TMOD1: variants seen among roughly 807,000 people sequenced by gnomAD.
The protein encoded by TMOD1 is tropomodulin 1.
Under a neutral mutation model 40.6 loss-of-function variants are expected in TMOD1, and 17 were observed. The observed-to-expected ratio is 0.42, with a 90% CI of 0.29 to 0.63. TMOD1 has a LOEUF of 0.63. TMOD1 is among the 20% of genes least tolerant of loss of function. The pLI is 0.22. For synonymous variants in TMOD1, 181 were observed against 175.0 expected, an observed-to-expected ratio of 1.03 and a Z score of -0.27; for missense variants, 391 against 447.6, an observed-to-expected ratio of 0.87 and a Z score of 1.14.
At chr9:97,565,775 G>A in intron 6 of TMOD1, 73 bp from the exon 7 acceptor site, 1 of 1,238,980 alleles carries the variant, frequency 8.1e-7, no homozygotes, top group Non-Finnish European at 1.2e-6. Flanking sequence ...AGAGTAGCCA[G>A]GCTAATCCAC....
chr9:97,591,519 G>T (rs2805792), intron 9 of TMOD1, 84 bp downstream of exon 9: 263,723 of 1,494,136 alleles, frequency 0.18, 25,574 homozygotes, highest in African/African-American at 0.37. Context: ...AAATTCTGTA[G>T]ATGCCTCTCC....
chr9:97,600,534 A>C lies in TMOD1; in HGVS notation c.*836A>C. 1 of 985,918 alleles carries C rather than the reference A, an allele frequency of 1.0e-6. No homozygotes were observed. Among genetic ancestry groups the C allele is most frequent in the Non-Finnish European group, 1.2e-6 (1 of 830,310 alleles). 61.1% of individuals were successfully genotyped at this position (985,918 alleles called of 1,614,324 possible). ...TTTTGAAAACACCTTTCTATATTGC[A>C]CAGTGGGCAAATGGCTTATGTGAGG... is the stretch of plus-strand genomic sequence containing the variant. On this transcript the variant is annotated 3_prime_UTR_variant, in exon 10 of 10. Coordinates refer to ENST00000259365, the MANE Select transcript of TMOD1 (RefSeq NM_003275.4).
chr9:97,539,109 C>G (rs911248622), intron 2 of TMOD1, among the ~76,000 whole-genome samples: 1 of 152,322 alleles, frequency 6.6e-6, no homozygotes, highest in South Asian at 2.1e-4. Flanking sequence ...CCTCTCATCT[C>G]CCTGGTTACT....
Position 97,565,887 on chromosome 9 carries a change from C to T in TMOD1, c.658C>T (p.Leu220=), listed in dbSNP as rs373764116. 3 of 1,614,170 alleles carry T rather than the reference C, an allele frequency of 1.9e-6. No individual in the cohort carries two copies. The highest frequency in any genetic ancestry group is 1.7e-5 in the Admixed American group (1 of 60,020). ...IPTLKAYAEA[L]KENSYVKKFS... ...CACCCTCAAGGCATATGCAGAAGCC[C>T]TGAAAGAAAACTCATATGTGAAGAA... The change falls in exon 7 of 10, where the codon CTG becomes TTG. Residue 220 remains leucine, a synonymous_variant. Coordinates refer to ENST00000259365, the MANE Select transcript of TMOD1 (RefSeq NM_003275.4).
Position 97,570,187 on chromosome 9 carries a change from G to A in TMOD1, c.870+1150G>A, listed in dbSNP as rs369624517. Among the ~76,000 whole-genome samples the A allele has an allele frequency of 9.9e-5, 15 of 152,226 alleles. No homozygotes were observed. In the East Asian group the frequency reaches 1.5e-3, roughly 16 times the overall value. On this transcript the variant is annotated intron_variant, in intron 8 of 9. Transcript: ENST00000259365. ...GTAACCCCTGTCCAGGTCAAGAAAC[G>A]AAAACATTACCAACCTCCAGAAGAC... is the stretch of plus-strand genomic sequence containing the variant.
At chr9:97,504,966 A>G (rs753092851) in intron 1 of TMOD1, among the ~76,000 whole-genome samples, 5 of 152,192 alleles carry the variant, frequency 3.3e-5, no homozygotes, top group Non-Finnish European at 5.9e-5. Flanking sequence ...GCCTGTTTCT[A>G]TGGAAAAGCA....
At chr9:97,504,908 A>C (rs1829569200) in intron 1 of TMOD1, among the ~76,000 whole-genome samples, 1 of 152,210 alleles carries the variant, frequency 6.6e-6, no homozygotes, top group South Asian at 2.1e-4. Context: ...AACACCAGAT[A>C]AATCAATTAT....
chr9:97,556,886 G>A (rs1272162976), intron 4 of TMOD1, among the ~76,000 whole-genome samples: 2 of 152,184 alleles, frequency 1.3e-5, no homozygotes, highest in Non-Finnish European at 2.9e-5. Flanking sequence ...AGCGGTTCCG[G>A]GCTGGGGAGG....
chr9:97,538,880 C>T (rs1830232147), intron 2 of TMOD1, among the ~76,000 whole-genome samples: 1 of 151,964 alleles, frequency 6.6e-6, no homozygotes. Context: ...TGGCATGCAC[C>T]TGTAATCCCA....
chr9:97,588,631 T>C (rs1238111638), intron 8 of TMOD1, among the ~76,000 whole-genome samples: 2 of 152,168 alleles, frequency 1.3e-5, no homozygotes, highest in Non-Finnish European at 2.9e-5. Flanking sequence ...ATTGATTCTT[T>C]TAATCAATTT....
chr9:97,520,914 T>G (rs1829905203), intron 1 of TMOD1, among the ~76,000 whole-genome samples: 1 of 152,196 alleles, frequency 6.6e-6, no homozygotes, highest in African/African-American at 2.4e-5. Flanking sequence ...TGATAAAGGA[T>G]TTCTTTCTCC....
At chr9:97,547,134 C>T (rs538919488) in intron 3 of TMOD1, among the ~76,000 whole-genome samples, 4 of 152,226 alleles carry the variant, frequency 2.6e-5, no homozygotes, top group East Asian at 1.9e-4. Flanking sequence ...GGCAAGCCAT[C>T]TTGAAGGCCC....
intron 1 of TMOD1, among the ~76,000 whole-genome samples, chr9:97,519,246 C>T (rs1426102529): frequency 6.6e-6 from 1 of 152,190 alleles, no homozygotes; most frequent in East Asian, 1.9e-4. Context: ...TGATGGATGG[C>T]CTCAGCCTTT....
intron 3 of TMOD1, among the ~76,000 whole-genome samples, chr9:97,550,460 A>T (rs188602057): frequency 6.6e-6 from 1 of 152,208 alleles, no homozygotes; most frequent in African/African-American, 2.4e-5. Flanking sequence ...CTTCTTTTCC[A>T]TAGCAACCAT....
chr9:97,556,641 T>C (rs1266431726), intron 4 of TMOD1, among the ~76,000 whole-genome samples: 5 of 152,128 alleles, frequency 3.3e-5, no homozygotes, highest in Non-Finnish European at 1.5e-5. Context: ...GGCAAAAGAA[T>C]GGTAAGAAAA....
intron 8 of TMOD1, among the ~76,000 whole-genome samples, chr9:97,569,535 G>A (rs1322650751): frequency 1.3e-5 from 2 of 152,154 alleles, no homozygotes; most frequent in Admixed American, 6.5e-5. Flanking sequence ...GGCAATTCTA[G>A]TTTGTCTTTA....
intron 8 of TMOD1, among the ~76,000 whole-genome samples, chr9:97,573,007 G>A (rs753285731): frequency 1.2e-4 from 18 of 152,360 alleles, no homozygotes; most frequent in Non-Finnish European, 1.0e-4. Context: ...TCACAAGCGG[G>A]GAAACTGAGG....
At chr9:97,577,582 G>A (rs1825640004) in intron 8 of TMOD1, among the ~76,000 whole-genome samples, 1 of 152,256 alleles carries the variant, frequency 6.6e-6, no homozygotes, top group East Asian at 1.9e-4. Flanking sequence ...GAGGTCAGGA[G>A]TTCAAGACCA....
At chr9:97,574,834 A>G (rs1487927937) in intron 8 of TMOD1, among the ~76,000 whole-genome samples, 1 of 151,958 alleles carries the variant, frequency 6.6e-6, no homozygotes, top group Non-Finnish European at 1.5e-5. Context: ...TTGTGTCCAC[A>G]CTCTGTATCT....
Sources: gnomAD v4.1 joint callset for allele counts (sites outside exome capture counted in the v4.1 genomes callset) on GRCh38, gnomAD v4.1.1 for gene constraint, MANE v1.5 for transcripts, NCBI Gene and HGNC (gene_info 2026-07-23, HGNC 2026-07-21) for gene names.